GALNT13: variants seen among roughly 807,000 people sequenced by gnomAD.
The protein encoded by GALNT13 is polypeptide N-acetylgalactosaminyltransferase 13, also known as UDP-GalNAc:polypeptide N-acetylgalactosaminyltransferase 13.
Under a neutral mutation model 64.2 loss-of-function variants are expected in GALNT13, and 28 were observed. That is an observed-to-expected ratio of 0.44 (90% CI 0.32 to 0.60). The LOEUF is 0.60. Among genes scored for constraint, GALNT13 ranks in the 20% least tolerant of loss-of-function variants. The pLI, the probability that GALNT13 is intolerant of heterozygous loss-of-function variation, is 0.05. For missense variants in GALNT13, 577 were observed against 669.8 expected (o/e 0.86, Z 1.53); for synonymous variants, 214 against 224.6 (o/e 0.95, Z 0.42).
the GALNT13 span, among the ~76,000 whole-genome samples, chr2:153,267,075 C>A: frequency 1.3e-5 from 2 of 152,340 alleles, no homozygotes; most frequent in Admixed American, 1.3e-4. Context: ...AAGTTTGAAA[C>A]CCAGTGGGGC....
the GALNT13 span, chr2:153,478,814 G>C: frequency 3.3e-5 from 15 of 451,976 alleles, no homozygotes; most frequent in South Asian, 1.1e-4. Flanking sequence ...CTCGCTCGAG[G>C]GGGGGCTGTT....
the GALNT13 span, among the ~76,000 whole-genome samples, chr2:153,390,129 C>A: frequency 1.3e-5 from 2 of 152,056 alleles, no homozygotes; most frequent in Admixed American, 6.6e-5. Context: ...TACTATGCAG[C>A]CATAAAATAG....
chr2:154,227,196 G>T (rs1056390876), intron 4 of GALNT13, among the ~76,000 whole-genome samples: 1 of 152,094 alleles, frequency 6.6e-6, no homozygotes, highest in Non-Finnish European at 1.5e-5. Context: ...ATGAGTGGGT[G>T]CACTCTGCTG....
chr2:153,658,640 C>T, the GALNT13 span, among the ~76,000 whole-genome samples: 2 of 152,042 alleles, frequency 1.3e-5, no homozygotes, highest in African/African-American at 4.8e-5. Context: ...GTATATATGA[C>T]ATCTTTATTA....
the GALNT13 span, among the ~76,000 whole-genome samples, chr2:153,532,626 T>C: frequency 1.6e-4 from 24 of 152,236 alleles, no homozygotes; most frequent in Non-Finnish European, 2.9e-4. Context: ...TTTTTCAAAA[T>C]TTTATGGTTT....
intron 7 of GALNT13, among the ~76,000 whole-genome samples, chr2:154,250,456 T>C (rs997700162): frequency 1.3e-5 from 2 of 152,196 alleles, no homozygotes; most frequent in African/African-American, 4.8e-5. Context: ...TGACTAAAGT[T>C]CATCAAGAGT....
At chr2:154,335,242 C>CTA (rs71398306) in intron 9 of GALNT13, among the ~76,000 whole-genome samples, 4 of 151,470 alleles carry the variant, frequency 2.6e-5, no homozygotes, top group Non-Finnish European at 5.9e-5. Flanking sequence ...AAAAAAAAGA[C>CTA]GAGTCACGAT....
chr2:153,613,559 G>A, the GALNT13 span, among the ~76,000 whole-genome samples: 4 of 152,078 alleles, frequency 2.6e-5, no homozygotes, highest in Non-Finnish European at 4.4e-5. Flanking sequence ...GTGTTCAAAT[G>A]TTCTCAGGAA....
At chr2:154,141,091 G>A (rs1026264762) in intron 4 of GALNT13, among the ~76,000 whole-genome samples, 6 of 152,018 alleles carry the variant, frequency 3.9e-5, no homozygotes, top group Non-Finnish European at 7.4e-5. Flanking sequence ...GTAAAAACAC[G>A]GTGTAACAGA....
intron 4 of GALNT13, among the ~76,000 whole-genome samples, chr2:154,148,401 T>C (rs1393804884): frequency 6.6e-6 from 1 of 152,218 alleles, no homozygotes; most frequent in Non-Finnish European, 1.5e-5. Flanking sequence ...TGCACGTGTC[T>C]TTATAGCAGC....
At chr2:154,165,178 T>C (rs1234476627) in intron 4 of GALNT13, among the ~76,000 whole-genome samples, 1 of 152,110 alleles carries the variant, frequency 6.6e-6, no homozygotes, top group East Asian at 1.9e-4. Context: ...ACAAAAATAT[T>C]TCTCTAAAGA....
chr2:153,803,265 C>T, the GALNT13 span, among the ~76,000 whole-genome samples: 1 of 152,070 alleles, frequency 6.6e-6, no homozygotes, highest in Non-Finnish European at 1.5e-5. Context: ...GGAATTGTGT[C>T]CCCCAAAATT....
the GALNT13 span, among the ~76,000 whole-genome samples, chr2:153,345,718 T>TGTCC: frequency 0.056 from 2,524 of 45,204 alleles, 153 homozygotes; most frequent in Middle Eastern, 0.14. Context: ...TCTCTCTTTC[T>TGTCC]GTCCTTCCTT....
intron 8 of GALNT13, among the ~76,000 whole-genome samples, chr2:154,279,609 C>A (rs996944101): frequency 1.3e-5 from 2 of 152,048 alleles, no homozygotes; most frequent in African/African-American, 4.8e-5. Flanking sequence ...TTTTGAAGTA[C>A]TAGTGTACCA....
the GALNT13 span, among the ~76,000 whole-genome samples, chr2:153,270,005 A>G: frequency 6.6e-6 from 1 of 152,150 alleles, no homozygotes; most frequent in East Asian, 1.9e-4. Context: ...ACAGAGCCAA[A>G]CCATATCAGT....
chr2:154,080,323 A>T (rs1701210439), intron 3 of GALNT13, among the ~76,000 whole-genome samples: 1 of 151,704 alleles, frequency 6.6e-6, no homozygotes, highest in Non-Finnish European at 1.5e-5. Flanking sequence ...GTAAAAGGAA[A>T]GAGAAGAAAG....
At chr2:153,602,455 G>T in the GALNT13 span, among the ~76,000 whole-genome samples, 1 of 151,506 alleles carries the variant, frequency 6.6e-6, no homozygotes, top group African/African-American at 2.4e-5. Flanking sequence ...TTAACTAGGA[G>T]ACCATATAAT....
the GALNT13 span, among the ~76,000 whole-genome samples, chr2:153,713,528 A>G: frequency 5.9e-5 from 9 of 152,106 alleles, no homozygotes; most frequent in Non-Finnish European, 2.9e-5. Flanking sequence ...CCTGTTACCC[A>G]GGCTGGTGCA....
intron 9 of GALNT13, among the ~76,000 whole-genome samples, chr2:154,337,861 G>T (rs2105214457): frequency 6.6e-6 from 1 of 152,146 alleles, no homozygotes; most frequent in South Asian, 2.1e-4. Context: ...AATGTTGTCG[G>T]TGGTTGGAGA....
Sources: allele counts gnomAD v4.1 joint callset (sites outside exome capture counted in the v4.1 genomes callset), GRCh38; gene constraint gnomAD v4.1.1; transcripts MANE v1.5; gene names NCBI Gene and HGNC (gene_info 2026-07-23, HGNC 2026-07-21).